The following ADAMTSL1 variants were observed in gnomAD, a reference collection of about 807,000 sequenced individuals.
ADAMTSL1 encodes the protein ADAMTS like 1.
A neutral mutation model predicts 201.8 loss-of-function variants in ADAMTSL1; 126 were observed. The ratio of observed to expected loss-of-function variants is 0.62; its 90% CI spans 0.54 to 0.72. The LOEUF is 0.72. Ranked by LOEUF, ADAMTSL1 falls within the 30% of genes least tolerant of loss-of-function variation. The pLI is 0.00. For missense variants in ADAMTSL1, 2,679 were observed against 2,277.8 expected, an observed-to-expected ratio of 1.18 and a Z score of -3.59; for synonymous variants, 1,121 against 903.4, an observed-to-expected ratio of 1.24 and a Z score of -4.32.
At chr9:18,407,901 T>C (rs1005120324) in intron 2 of ADAMTSL1, among the ~76,000 whole-genome samples, 1 of 152,178 alleles carries the variant, frequency 6.6e-6, no homozygotes, top group Non-Finnish European at 1.5e-5. Flanking sequence ...AGGAACCTTA[T>C]GGGGATGTAA....
rs139204391 is a variant in ADAMTSL1 at position 18,534,793 on chromosome 9, C to T, written c.237+1501C>T. Among the ~76,000 whole-genome samples the T allele has an allele frequency of 2.0e-3, 310 of 152,346 alleles. 1 individual carries two copies. The highest frequency in any genetic ancestry group is 7.0e-3 in the African/African-American group (291 of 41,564). On this transcript the variant is annotated intron_variant, in intron 3 of 28. Transcript: ENST00000380548. ...AAGCTGCCAAGGCTTGGGGCTTGCA[C>T]CCCCTAAAGCAATGGCCTGAGCTGT...
chr9:18,880,867 C>T (rs1563883332), intron 23 of ADAMTSL1, among the ~76,000 whole-genome samples: 1 of 152,224 alleles, frequency 6.6e-6, no homozygotes, highest in Non-Finnish European at 1.5e-5. Flanking sequence ...CACTGAAAAT[C>T]TCTTGTGTTT....
At chr9:18,834,150 G>C (rs1178485541) in intron 23 of ADAMTSL1, among the ~76,000 whole-genome samples, 1 of 152,098 alleles carries the variant, frequency 6.6e-6, no homozygotes, top group Non-Finnish European at 1.5e-5. Flanking sequence ...TTTTTGCTTA[G>C]GATTGCTTTG....
At chr9:18,670,277 C>A (rs1472014196) in intron 9 of ADAMTSL1, among the ~76,000 whole-genome samples, 1 of 152,208 alleles carries the variant, frequency 6.6e-6, no homozygotes, top group African/African-American at 2.4e-5. Context: ...TTGTCCAAAG[C>A]AGCACGGTAT....
At chr9:18,140,719 T>G (rs1329934256) in intron 1 of ADAMTSL1, among the ~76,000 whole-genome samples, 3 of 152,148 alleles carry the variant, frequency 2.0e-5, no homozygotes, top group South Asian at 4.1e-4. Flanking sequence ...AATCCAACTT[T>G]CCAGAAGCCA....
At chr9:18,561,297 G>A (rs148423310) in intron 3 of ADAMTSL1, among the ~76,000 whole-genome samples, 6,329 of 152,276 alleles carry the variant, frequency 0.042, 180 homozygotes, top group Middle Eastern at 0.061. Context: ...TTACCCAGTA[G>A]TCATTCAGGA....
intron 2 of ADAMTSL1, among the ~76,000 whole-genome samples, chr9:18,330,513 G>A (rs147542272): frequency 1.3e-5 from 2 of 151,982 alleles, no homozygotes; most frequent in East Asian, 3.9e-4. Context: ...CCATGTGGAT[G>A]CCCGAGGCTG....
At chr9:18,314,750 A>G (rs1166885675) in intron 2 of ADAMTSL1, among the ~76,000 whole-genome samples, 1 of 133,000 alleles carries the variant, frequency 7.5e-6, no homozygotes, top group East Asian at 2.4e-4. Context: ...AGGGGACCCC[A>G]GTGGGTTGCC....
At chr9:18,763,987 GT>G (rs1466808713) in intron 16 of ADAMTSL1, among the ~76,000 whole-genome samples, 1 of 152,048 alleles carries the variant, frequency 6.6e-6, no homozygotes, top group African/African-American at 2.4e-5. Flanking sequence ...TGGGTCTTTT[GT>G]GGTTCCATAT....
At chr9:18,512,883 A>T (rs539388520) in intron 2 of ADAMTSL1, among the ~76,000 whole-genome samples, 1 of 152,234 alleles carries the variant, frequency 6.6e-6, no homozygotes, top group Admixed American at 6.5e-5. Flanking sequence ...TAAACAGTAT[A>T]TGCAGTATTG....
At chr9:18,695,380 T>C (rs1230178414) in intron 13 of ADAMTSL1, among the ~76,000 whole-genome samples, 2 of 152,160 alleles carry the variant, frequency 1.3e-5, no homozygotes, top group Admixed American at 6.5e-5. Context: ...AGAAAATGGG[T>C]TTTTCTTTTC....
intron 2 of ADAMTSL1, among the ~76,000 whole-genome samples, chr9:18,341,652 T>C (rs1309547200): frequency 6.6e-6 from 1 of 152,188 alleles, no homozygotes; most frequent in African/African-American, 2.4e-5. Context: ...TAGCATAAAC[T>C]GAATATTTTT....
chr9:18,810,838 G>A (rs550114978), intron 20 of ADAMTSL1, among the ~76,000 whole-genome samples: 1 of 151,898 alleles, frequency 6.6e-6, no homozygotes, highest in African/African-American at 2.4e-5. Flanking sequence ...ACCACTAAAG[G>A]CCCTGTACAT....
intron 23 of ADAMTSL1, among the ~76,000 whole-genome samples, chr9:18,836,261 C>A (rs1332792914): frequency 6.6e-6 from 1 of 151,996 alleles, no homozygotes; most frequent in African/African-American, 2.4e-5. Flanking sequence ...CTGTCTTTTG[C>A]CAATTTTTAA....
At chr9:18,212,743 G>A (rs1829923282) in intron 2 of ADAMTSL1, among the ~76,000 whole-genome samples, 1 of 152,096 alleles carries the variant, frequency 6.6e-6, no homozygotes, top group Non-Finnish European at 1.5e-5. Flanking sequence ...TCCATTCAAA[G>A]GGAAGACAAC....
chr9:18,235,279 T>G (rs1209019001), intron 2 of ADAMTSL1, among the ~76,000 whole-genome samples: 7 of 152,238 alleles, frequency 4.6e-5, no homozygotes, highest in Non-Finnish European at 1.0e-4. Context: ...TCTGATGTTT[T>G]CATCATGACT....
chr9:18,282,547 G>C (rs1832829609), intron 2 of ADAMTSL1, among the ~76,000 whole-genome samples: 1 of 152,134 alleles, frequency 6.6e-6, no homozygotes, highest in South Asian at 2.1e-4. Context: ...AATTTATTCA[G>C]GCTTGCTTTA....
At chr9:18,147,744 T>TGTTCC (rs371701606) in intron 1 of ADAMTSL1, among the ~76,000 whole-genome samples, 1 of 152,154 alleles carries the variant, frequency 6.6e-6, no homozygotes, top group Non-Finnish European at 1.5e-5. Context: ...ATCTAGAGGC[T>TGTTCC]GTTCCATTCC....
chr9:18,196,573 T>C (rs1319752192), intron 2 of ADAMTSL1, among the ~76,000 whole-genome samples: 1 of 152,066 alleles, frequency 6.6e-6, no homozygotes, highest in Non-Finnish European at 1.5e-5. Context: ...CTTTTCAGCT[T>C]TTGATAGTCT....
Sources: allele counts gnomAD v4.1 joint callset (sites outside exome capture counted in the v4.1 genomes callset), GRCh38; gene constraint gnomAD v4.1.1; transcripts MANE v1.5; gene names NCBI Gene and HGNC (gene_info 2026-07-23, HGNC 2026-07-21).